EML4: variants seen among roughly 807,000 people sequenced by gnomAD.
EML4 encodes the protein EMAP like 4, also known as echinoderm microtubule-associated protein-like 4.
Under a neutral mutation model 129.0 loss-of-function variants are expected in EML4, and 72 were observed. The observed-to-expected ratio is 0.56, with a 90% CI of 0.46 to 0.68. The LOEUF (loss-of-function observed/expected upper bound fraction) is 0.68, where lower values mean the gene tolerates loss of function less well. Ranked by LOEUF, EML4 falls within the 30% of genes least tolerant of loss-of-function variation. The pLI is 0.00. For missense variants in EML4, 1,363 were observed against 1,190.6 expected, an observed-to-expected ratio of 1.14 and a Z score of -2.13; for synonymous variants, 532 against 405.0, an observed-to-expected ratio of 1.31 and a Z score of -3.77.
chr2:42,306,510 T>TTG (rs1309807730), intron 17 of EML4, among the ~76,000 whole-genome samples: 1 of 122,808 alleles, frequency 8.1e-6, no homozygotes, highest in African/African-American at 3.6e-5. Flanking sequence ...TTTTTTTTTT[T>TTG]GAGATAGAGT....
At chr2:42,323,800 G>A (rs557077715) in intron 19 of EML4, among the ~76,000 whole-genome samples, 13 of 150,630 alleles carry the variant, frequency 8.6e-5, no homozygotes, top group East Asian at 5.9e-4. Context: ...AAAAATTAGC[G>A]GGGCGTGGTG....
intron 1 of EML4, among the ~76,000 whole-genome samples, chr2:42,177,144 CAT>C (rs1670652763): frequency 6.6e-6 from 1 of 152,078 alleles, no homozygotes; most frequent in Admixed American, 6.5e-5. Context: ...CTGAAACTCT[CAT>C]GTGTCTTTGA....
intron 1 of EML4, among the ~76,000 whole-genome samples, chr2:42,175,448 G>GT (rs1193727728): frequency 6.6e-6 from 1 of 151,550 alleles, no homozygotes; most frequent in Non-Finnish European, 1.5e-5. Flanking sequence ...TTAAGTCCAG[G>GT]TTTTTTCTTT....
Position 42,228,229 on chromosome 2 carries a change from A to G in EML4, c.26-17276A>G, listed in dbSNP as rs1027792380. Among the ~76,000 whole-genome samples, 1,007 of 152,222 alleles carry G rather than the reference A, an allele frequency of 6.6e-3. 11 individuals are homozygous for G. The highest frequency in any genetic ancestry group is 0.023 in the African/African-American group (950 of 41,540). On this transcript the variant is annotated intron_variant, in intron 1 of 22. Coordinates refer to ENST00000318522, the MANE Select transcript of EML4 (RefSeq NM_019063.5). ...GGGAGAGACTCTGTCTCAAAAAAAA[A>G]AAAAGTATACATGGATTTATATACT... is the stretch of plus-strand genomic sequence containing the variant.
intron 1 of EML4, among the ~76,000 whole-genome samples, chr2:42,210,298 G>C (rs1399273264): frequency 6.6e-6 from 1 of 151,998 alleles, no homozygotes. Context: ...TAGCAGCTTT[G>C]GTGTATCAGA....
chr2:42,231,764 A>G (rs963314761), intron 1 of EML4, among the ~76,000 whole-genome samples: 2 of 152,176 alleles, frequency 1.3e-5, no homozygotes, highest in African/African-American at 4.8e-5. Context: ...CCTGGCTAAT[A>G]TGGTGAAACC....
Position 42,231,943 on chromosome 2 carries a change from C to T in EML4, c.26-13562C>T, listed in dbSNP as rs184115745. ...CAGCCTGGGCAACAGAGTGAGACTC[C>T]GTCTCAAAAAAAAAAAATTATTTAT... On this transcript the variant is annotated intron_variant, in intron 1 of 22. Transcript: ENST00000318522. 2.0e-3 allele frequency among the ~76,000 whole-genome samples: 301 copies of T among 148,788 alleles called. 1 individual carries two copies. Among genetic ancestry groups the T allele is most frequent in the African/African-American group, 7.1e-3 (281 of 39,574 alleles).
At chr2:42,200,693 A>T (rs1054173054) in intron 1 of EML4, among the ~76,000 whole-genome samples, 1 of 152,254 alleles carries the variant, frequency 6.6e-6, no homozygotes, top group Non-Finnish European at 1.5e-5. Flanking sequence ...TCTAAATATC[A>T]TAACAATTCT....
At chr2:42,237,515 A>G (rs565378749) in intron 1 of EML4, among the ~76,000 whole-genome samples, 5 of 152,154 alleles carry the variant, frequency 3.3e-5, no homozygotes, top group South Asian at 2.1e-4. Context: ...GGGCTTTAAT[A>G]TATGGTTCAC....
intron 1 of EML4, among the ~76,000 whole-genome samples, chr2:42,204,614 T>C (rs1283567671): frequency 6.6e-6 from 1 of 152,332 alleles, no homozygotes; most frequent in Non-Finnish European, 1.5e-5. Context: ...TTTTCAGCTA[T>C]TTAAAAATGT....
In EML4 at chr2:42,301,258, A is replaced by C. The variant is rs2103712789; in HGVS notation, c.1507A>C (p.Lys503Gln). Residue 503 changes from lysine (K) to glutamine (Q), a missense_variant, in exon 14 of 23, where the codon AAA (lysine) becomes CAA (glutamine). Physicochemically the swap from Lys to Gln is moderately conservative, Grantham distance 53. Transcript: ENST00000318522. ...KGPKGVYQISKQIKAHDGSVF... is the reference protein window; with the variant it reads ...KGPKGVYQISQQIKAHDGSVF... ...CATATTAGGTGTATATCAAATCAGCAAACAAATCAAAGCTCATGATGGCAG... is the reference window on the plus strand; with the variant it reads ...CATATTAGGTGTATATCAAATCAGCCAACAAATCAAAGCTCATGATGGCAG... The C allele has an allele frequency of 1.9e-6, 3 of 1,612,200 alleles. No homozygotes were observed. Among genetic ancestry groups the C allele is most frequent in the East Asian group, 4.5e-5 (2 of 44,662 alleles).
intron 2 of EML4, among the ~76,000 whole-genome samples, chr2:42,250,755 T>C (rs1675713621): frequency 6.6e-6 from 1 of 152,096 alleles, no homozygotes; most frequent in African/African-American, 2.4e-5. Flanking sequence ...GGGGGAGGTG[T>C]TGGGATCATT....
intron 9 of EML4, among the ~76,000 whole-genome samples, chr2:42,285,723 T>G (rs893135166): frequency 5.3e-5 from 8 of 151,918 alleles, no homozygotes; most frequent in Admixed American, 1.3e-4. Flanking sequence ...CTCAGCCTCC[T>G]GAGTAGCTGT....
intron 21 of EML4, among the ~76,000 whole-genome samples, chr2:42,327,685 T>C (rs1669884285): frequency 6.6e-6 from 1 of 152,218 alleles, no homozygotes. Context: ...TATTTAGGTA[T>C]CCTTCTGAAA....
chr2:42,286,368 T>C lies in EML4; in HGVS notation c.1111T>C (p.Phe371Leu). Reference sequence around the variant, plus strand: ...TGAGCGTGGAGTAGGATGCCTGGATTTTTCAAAAGCAGTAAGTAACAATTT... The same window carrying C: ...TGAGCGTGGAGTAGGATGCCTGGATCTTTCAAAAGCAGTAAGTAACAATTT... ...TFERGVGCLD[F>L]SKADSGVHLC... is the part of the protein sequence containing the mutation. The change falls in exon 10 of 23, where the codon TTT (phenylalanine) becomes CTT (leucine). Residue 371 changes from phenylalanine (F) to leucine (L), a missense_variant. Physicochemically the swap from Phe to Leu is conservative, Grantham distance 22 (BLOSUM62 0). Coordinates refer to ENST00000318522, the MANE Select transcript of EML4 (RefSeq NM_019063.5). 1 of 1,606,672 alleles carries C rather than the reference T, an allele frequency of 6.2e-7. No homozygotes were observed.
intron 1 of EML4, chr2:42,208,009 G>C (rs934457919): frequency 2.0e-5 from 3 of 152,116 alleles, no homozygotes; most frequent in African/African-American, 7.2e-5. Context: ...TCTGAAAGTC[G>C]GACATCAGTA....
chr2:42,321,803 A>G (rs1351256542), intron 19 of EML4, among the ~76,000 whole-genome samples: 1 of 152,222 alleles, frequency 6.6e-6, no homozygotes, highest in East Asian at 1.9e-4. Context: ...ACGCATATCA[A>G]AAATGTGGGA....
intron 3 of EML4, among the ~76,000 whole-genome samples, chr2:42,259,867 C>A (rs758566104): frequency 6.6e-6 from 1 of 150,736 alleles, no homozygotes; most frequent in Non-Finnish European, 1.5e-5. Flanking sequence ...GTAGCTGGGG[C>A]TACAGGCGCC....
At chr2:42,270,680 G>A (rs972860621) in intron 6 of EML4, among the ~76,000 whole-genome samples, 8 of 152,258 alleles carry the variant, frequency 5.3e-5, no homozygotes, top group Non-Finnish European at 1.2e-4. Flanking sequence ...GGTGTATATT[G>A]TCATTTACTG....
Sources: gnomAD v4.1 joint callset for allele counts (sites outside exome capture counted in the v4.1 genomes callset) on GRCh38, gnomAD v4.1.1 for gene constraint, MANE v1.5 for transcripts, NCBI Gene and HGNC (gene_info 2026-07-23, HGNC 2026-07-21) for gene names.